Variants in PNMA6E observed in about 807,000 individuals in gnomAD.
PNMA6E encodes paraneoplastic antigen Ma6E.
For missense variants in PNMA6E, 78 were observed against 50.8 expected (o/e 1.53, Z -1.63); for synonymous variants, 43 against 17.1 (o/e 2.52, Z -3.74).
At chrX:153,407,632 A>G in the PNMA6E span, among the ~76,000 whole-genome samples, 2 of 111,036 alleles carry the variant, frequency 1.8e-5, no homozygotes, top group African/African-American at 6.6e-5. Flanking sequence ...TCAGCCTCCC[A>G]AAGTGGTGAG....
At position 153,398,255 on chromosome X, in the gene PNMA6E, C is replaced by T. The variant is rs1381012794; in HGVS notation, c.595G>A (p.Ala199Thr). The T allele has an allele frequency of 2.1e-4, 90 of 426,818 alleles. No individual in the cohort carries two copies. In the East Asian group the frequency reaches 2.7e-3, roughly 13 times the overall value. 35.2% of individuals were successfully genotyped at this position (426,818 alleles called of 1,213,427 possible). ...TCACCTACACCTCCTGCCTCACCTG[C>T]GCCTCCTGCCTCACCTGCTGCTCCT... is the stretch of plus-strand genomic sequence containing the variant. ...EGGAAGEAGG[A>T]GEAGGVGEAG... The change falls in exon 2 of 2, where the codon GCA becomes ACA. Residue 199 changes from alanine (A) to threonine (T), a missense_variant. Coordinates refer to ENST00000445091, the MANE Select transcript of PNMA6E (RefSeq NM_001367770.1).
upstream of PNMA6E, among the ~76,000 whole-genome samples, chrX:153,403,525 T>C (rs551718416): frequency 2.1e-3 from 241 of 112,342 alleles, 2 homozygotes; most frequent in African/African-American, 7.5e-3. Context: ...TATTTTTGAC[T>C]TACTACTGGT....
At chrX:153,408,449 G>A in the PNMA6E span, among the ~76,000 whole-genome samples, 1 of 112,541 alleles carries the variant, frequency 8.9e-6, no homozygotes, top group Non-Finnish European at 1.9e-5. Flanking sequence ...GGGTCGCAGG[G>A]TTGGACAAAC....
In PNMA6E at chrX:153,395,651, T is replaced by C. The variant is rs1556970010; in HGVS notation, c.*1255A>G. ...AGGCGAGACCGGCTGGAACACGGAA[T>C]GAAATTTATTGAAGAGAAACATATA... On this transcript the variant is annotated 3_prime_UTR_variant, in exon 2 of 2. Coordinates refer to ENST00000445091, the MANE Select transcript of PNMA6E (RefSeq NM_001367770.1). The C allele has an allele frequency of 9.1e-6, 1 of 109,874 alleles. No individual in the cohort carries two copies. The highest frequency in any genetic ancestry group is 1.9e-5 in the Non-Finnish European group (1 of 52,443). The allele number at this position is 109,874 out of a possible 1,213,427, so 9.1% of individuals were successfully genotyped here.
upstream of PNMA6E, among the ~76,000 whole-genome samples, chrX:153,401,639 T>A (rs1178959018): frequency 8.9e-6 from 1 of 112,028 alleles, no homozygotes; most frequent in African/African-American, 3.2e-5. Flanking sequence ...GCGGAGTACA[T>A]TTGCAAAGCG....
chrX:153,402,848 C>T (rs1210376771), upstream of PNMA6E, among the ~76,000 whole-genome samples: 2 of 112,514 alleles, frequency 1.8e-5, no homozygotes, highest in African/African-American at 6.5e-5. Flanking sequence ...TCTCTCACCA[C>T]TTTAAAGATC....
chrX:153,413,863 G>C, the PNMA6E span, among the ~76,000 whole-genome samples: 1 of 112,558 alleles, frequency 8.9e-6, no homozygotes, highest in Non-Finnish European at 1.9e-5. Flanking sequence ...CTCAAGGACA[G>C]GCACTGCTCT....
At chrX:153,408,982 C>T in the PNMA6E span, among the ~76,000 whole-genome samples, 1 of 112,741 alleles carries the variant, frequency 8.9e-6, no homozygotes, top group African/African-American at 3.2e-5. Context: ...TTGACGTCAC[C>T]CTGGACCTCC....
At chrX:153,400,935 G>A (rs1041486543) in intron 1 of PNMA6E, among the ~76,000 whole-genome samples, 4 of 108,010 alleles carry the variant, frequency 3.7e-5, no homozygotes, top group East Asian at 3.0e-4. Flanking sequence ...CGTGCTTGGC[G>A]ACCCTCTCCG....
chrX:153,400,788 C>T (rs375398945), intron 1 of PNMA6E, among the ~76,000 whole-genome samples: 75 of 107,961 alleles, frequency 6.9e-4, no homozygotes, highest in African/African-American at 2.4e-3. Context: ...TGCTCTCCCA[C>T]GTGGCGCTCC....
At chrX:153,399,814 G>A (rs1251520373) in intron 1 of PNMA6E, among the ~76,000 whole-genome samples, 1 of 111,582 alleles carries the variant, frequency 9.0e-6, no homozygotes, top group Non-Finnish European at 1.9e-5. Context: ...GGACTGTTCG[G>A]CCATTGATTT....
the PNMA6E span, among the ~76,000 whole-genome samples, chrX:153,407,564 G>T: frequency 9.0e-6 from 1 of 111,022 alleles, no homozygotes; most frequent in Admixed American, 9.6e-5. Context: ...TAGAGATGGG[G>T]TCTCACCGTG....
chrX:153,405,396 T>G (rs1411920888), upstream of PNMA6E, among the ~76,000 whole-genome samples: 1 of 111,150 alleles, frequency 9.0e-6, no homozygotes, highest in Non-Finnish European at 1.9e-5. Context: ...TTGAGTGGAG[T>G]CTAGACTTAG....
At chrX:153,399,714 G>A (rs147127882) in intron 1 of PNMA6E, among the ~76,000 whole-genome samples, 329 of 111,374 alleles carry the variant, frequency 3.0e-3, no homozygotes, top group Non-Finnish European at 4.3e-3. Context: ...GCCTAATATC[G>A]GGGTTTACTG....
In PNMA6E at chrX:153,398,058, AGCTCCTGCCTCACCTGCT is replaced by A. The variant is rs2088822463; in HGVS notation, c.774_791del (p.Ala259_Ala264del). The A allele has an allele frequency of 1.1e-5, 4 of 361,206 alleles. No individual in the cohort carries two copies. The highest frequency in any genetic ancestry group is 1.4e-5 in the Non-Finnish European group (3 of 212,289). 29.8% of individuals were successfully genotyped at this position (361,206 alleles called of 1,213,427 possible). ...CACCTGCTGCTCCTGCCTCACCCAC[AGCTCCTGCCTCACCTGCT>A]GCTCCTGCCTCACCTGCTGCTCTTC... On this transcript the variant is annotated inframe_deletion, in exon 2 of 2. Transcript: ENST00000445091.
rs2088830276 is a variant in PNMA6E at position 153,398,906 on chromosome X, A to G, written c.-57T>C. 3.4e-6 allele frequency: 1 copy of G among 296,375 alleles called. No homozygotes were observed. Among genetic ancestry groups the G allele is most frequent in the African/African-American group, 2.7e-5 (1 of 36,481 alleles). The allele number at this position is 296,375 out of a possible 1,213,427, so 24.4% of individuals were successfully genotyped here. On this transcript the variant is annotated 5_prime_UTR_variant, in exon 2 of 2. Coordinates refer to ENST00000445091, the MANE Select transcript of PNMA6E (RefSeq NM_001367770.1). ...ATCAGGAATGTGTGCTGACTGTTGC[A>G]GTCTCCGACACAGCCTGTGAGTGCA...
the PNMA6E span, among the ~76,000 whole-genome samples, chrX:153,409,779 C>T: frequency 1.7e-3 from 196 of 112,221 alleles, no homozygotes; most frequent in Non-Finnish European, 3.2e-3. Context: ...CCCCCTTCCC[C>T]TGCCCGAGGC....
At chrX:153,403,742 A>T (rs928815681), upstream of PNMA6E, 1 of 109,754 alleles carries the variant, frequency 9.1e-6, no homozygotes, top group Admixed American at 9.7e-5. Flanking sequence ...CAGGAGTTTG[A>T]GATCAGCCTG....
the PNMA6E span, among the ~76,000 whole-genome samples, chrX:153,413,114 A>T: frequency 9.0e-6 from 1 of 110,744 alleles, no homozygotes; most frequent in Admixed American, 9.5e-5. Context: ...GGGCTGAGAG[A>T]AGCAAGATCC....
Sources: allele counts gnomAD v4.1 joint callset (sites outside exome capture counted in the v4.1 genomes callset), GRCh38; gene constraint gnomAD v4.1.1; transcripts MANE v1.5; gene names NCBI Gene and HGNC (gene_info 2026-07-23, HGNC 2026-07-21).